ASIC5: variants seen among roughly 807,000 people sequenced by gnomAD.
The protein encoded by ASIC5 is acid sensing ion channel subunit family member 5, also known as bile acid-sensitive ion channel.
In ASIC5, 52 loss-of-function variants were observed where a neutral mutation model predicts 51.2. That is an observed-to-expected ratio of 1.02 (90% CI 0.81 to 1.28). The LOEUF (loss-of-function observed/expected upper bound fraction) is 1.28. Ranked by LOEUF, ASIC5 falls within the 50% of genes most tolerant of loss-of-function variation. ASIC5 has a pLI of 0.00. For missense variants in ASIC5, 635 were observed against 595.0 expected (o/e 1.07, Z -0.70); for synonymous variants, 231 against 200.7 (o/e 1.15, Z -1.28).
In ASIC5 at chr4:155,842,275, C is replaced by T. The variant is rs1158199456; in HGVS notation, c.941G>A (p.Gly314Asp). ...LQNFSSYSTS[G>D]CLKECKAQHI... ...CTGGGCTTTGCATTCCTTCAAGCAA[C>T]CAGAAGTGCTGTAGCTGCTAAAATT... is the stretch of plus-strand genomic sequence containing the variant. Residue 314 changes from glycine to aspartate, a missense_variant, in exon 6 of 10, where the codon GGT becomes GAT. By Grantham distance (94) the Gly-to-Asp change is moderately conservative. Coordinates refer to ENST00000537611, the MANE Select transcript of ASIC5 (RefSeq NM_017419.3). 3 of 1,613,646 alleles carry T rather than the reference C, an allele frequency of 1.9e-6. No individual in the cohort carries two copies. The East Asian group carries it at 6.7e-5, about 36-fold the overall frequency.
At chr4:155,862,715 C>T (rs1223702383) in intron 2 of ASIC5, among the ~76,000 whole-genome samples, 1 of 152,154 alleles carries the variant, frequency 6.6e-6, no homozygotes, top group Admixed American at 6.6e-5. Context: ...GCTCAGGGCT[C>T]TTTGCAGCCG....
At chr4:155,838,762 T>C (rs1741049940) in intron 7 of ASIC5, 51 bp downstream of exon 7, 2 of 1,133,568 alleles carry the variant, frequency 1.8e-6, no homozygotes, top group African/African-American at 3.1e-5. Context: ...TTATATTACT[T>C]TGAGCAACTT....
intron 2 of ASIC5, chr4:155,854,627 C>G (rs538280212): frequency 3.0e-6 from 1 of 328,664 alleles, no homozygotes; most frequent in Non-Finnish European, 5.6e-6. Context: ...CATTTAGGAG[C>G]CAGATTTCCT....
intron 2 of ASIC5, among the ~76,000 whole-genome samples, chr4:155,860,484 G>C (rs1473233498): frequency 1.3e-5 from 2 of 151,748 alleles, no homozygotes; most frequent in Non-Finnish European, 2.9e-5. Context: ...TCATTAATTT[G>C]CTGAGCAATG....
chr4:155,835,650 C>T (rs1342233445), intron 8 of ASIC5, among the ~76,000 whole-genome samples: 1 of 152,088 alleles, frequency 6.6e-6, no homozygotes, highest in Non-Finnish European at 1.5e-5. Flanking sequence ...CACATTAAAA[C>T]AAAATATATA....
chr4:155,865,285 A>G (rs773994682), intron 1 of ASIC5, among the ~76,000 whole-genome samples: 33 of 152,250 alleles, frequency 2.2e-4, no homozygotes, highest in Non-Finnish European at 4.0e-4. Flanking sequence ...ATTAATGAAC[A>G]TGTATCAAGT....
intron 2 of ASIC5, chr4:155,855,176 G>A (rs1357020771): frequency 2.0e-5 from 3 of 151,824 alleles, no homozygotes; most frequent in Non-Finnish European, 4.4e-5. Context: ...CCACTTGATG[G>A]TATGACTTAG....
At chr4:155,832,031 A>G in intron 8 of ASIC5, 116 bp from the exon 9 acceptor site, 1 of 554,020 alleles carries the variant, frequency 1.8e-6, no homozygotes, top group Non-Finnish European at 3.3e-6. Context: ...TTAAACTGAC[A>G]CAGAATTGTT....
At position 155,836,683 on chromosome 4, in the gene ASIC5, G is replaced by C. The variant is rs1274626306; in HGVS notation, c.1235+6C>G. ...TATCAATAATTTAAAAGGCTAGTAA[G>C]GTTACCTGATGTATTTCCGGCTTTG... On this transcript the variant is annotated splice_donor_region_variant and intron_variant, in intron 8 of 9. Transcript: ENST00000537611. 1 of 1,584,676 alleles carries C rather than the reference G, an allele frequency of 6.3e-7. No homozygotes were observed. Among genetic ancestry groups the C allele is most frequent in the East Asian group, 2.2e-5 (1 of 44,540 alleles).
chr4:155,847,310 T>G (rs1420355808), intron 4 of ASIC5, among the ~76,000 whole-genome samples: 2 of 152,118 alleles, frequency 1.3e-5, no homozygotes, highest in African/African-American at 4.8e-5. Flanking sequence ...CTTGTGACAT[T>G]AAGTTACAGG....
In ASIC5 at chr4:155,842,189, C is replaced by A. The variant is rs375498968; in HGVS notation, c.1009+18G>T. The A allele has an allele frequency of 1.4e-5, 23 of 1,611,066 alleles. No homozygotes were observed. The highest frequency in any genetic ancestry group is 1.9e-5 in the Non-Finnish European group (22 of 1,178,108). On this transcript the variant is annotated intron_variant, in intron 6 of 9. Transcript: ENST00000537611. ...TTAACTGTCTAGTTAAGTAAGGGGG[C>A]AGTTAGTCTTTATTTACCAGGAAGA... is the stretch of plus-strand genomic sequence containing the variant.
intron 1 of ASIC5, among the ~76,000 whole-genome samples, chr4:155,865,531 G>A (rs1332592108): frequency 6.6e-6 from 1 of 152,068 alleles, no homozygotes; most frequent in East Asian, 1.9e-4. Context: ...TTACTGACAA[G>A]CAAAGTGTGG....
At chr4:155,863,800 G>T in intron 1 of ASIC5, 46 bp from the exon 2 acceptor site, 3 of 1,493,570 alleles carry the variant, frequency 2.0e-6, no homozygotes, top group Non-Finnish European at 2.7e-6. Flanking sequence ...AAAGTAATTA[G>T]GAAACCTTAA....
In ASIC5 at chr4:155,831,729, G is replaced by C. The variant is rs1740873799; in HGVS notation, c.1327+95C>G. 4.2e-6 allele frequency: 3 copies of C among 719,000 alleles called. No individual in the cohort carries two copies. In the South Asian group the frequency reaches 5.8e-5, roughly 14 times the overall value. The allele number at this position is 719,000 out of a possible 1,614,324, so 44.5% of individuals were successfully genotyped here. ...GCGGAGCTTGCAGTAAGCCAAGATG[G>C]CGCCACTGCACTCCAGCCTGGGCTA... On this transcript the variant is annotated intron_variant, in intron 9 of 9. Transcript: ENST00000537611.
chr4:155,849,958 A>G (rs779509179), intron 4 of ASIC5, among the ~76,000 whole-genome samples: 19 of 151,340 alleles, frequency 1.3e-4, no homozygotes, highest in African/African-American at 4.4e-4. Flanking sequence ...TCCTCCCACT[A>G]TTTTCTCTTC....
Position 155,852,254 on chromosome 4 carries a change from G to T in ASIC5, c.648C>A (p.Leu216=). Residue 216 remains leucine (L), a synonymous_variant, in exon 4 of 10, where the codon CTC becomes CTA. Transcript: ENST00000537611. ...NCFTFNHGET[L]QAKRKVSVSG... ...AGACACTCACTTTTCTCTTTGCTTG[G>T]AGAGTTTCACCATGATTAAAAGTAA... 5 of 1,607,310 alleles carry T rather than the reference G, an allele frequency of 3.1e-6. No homozygotes were observed. The highest frequency in any genetic ancestry group is 4.2e-6 in the Non-Finnish European group (5 of 1,177,132).
intron 2 of ASIC5, among the ~76,000 whole-genome samples, chr4:155,856,904 C>T (rs371042365): frequency 6.6e-6 from 1 of 151,802 alleles, no homozygotes; most frequent in Non-Finnish European, 1.5e-5. Context: ...CATATGGGAG[C>T]AATGAATACA....
chr4:155,863,390 G>T, intron 2 of ASIC5, 58 bp downstream of exon 2: 2 of 1,347,950 alleles, frequency 1.5e-6, no homozygotes, highest in Non-Finnish European at 1.0e-6. Context: ...AGTCATCCAA[G>T]AAAGATTATA....
intron 8 of ASIC5, among the ~76,000 whole-genome samples, chr4:155,835,633 A>C (rs1237230542): frequency 6.6e-6 from 1 of 152,166 alleles, no homozygotes; most frequent in Admixed American, 6.5e-5. Context: ...AAAGCAAATC[A>C]GTTTCCCACA....
Sources: allele counts gnomAD v4.1 joint callset (sites outside exome capture counted in the v4.1 genomes callset), GRCh38; gene constraint gnomAD v4.1.1; transcripts MANE v1.5; gene names NCBI Gene and HGNC (gene_info 2026-07-23, HGNC 2026-07-21).